Variants in ROGDI observed in about 807,000 individuals in gnomAD.
ROGDI encodes the protein protein rogdi homolog.
Under a neutral mutation model 43.1 loss-of-function variants are expected in ROGDI, and 46 were observed. The observed-to-expected ratio is 1.07, with a 90% CI of 0.84 to 1.37. The LOEUF (loss-of-function observed/expected upper bound fraction) is 1.37, where lower values mean the gene tolerates loss of function less well. Ranked by LOEUF, ROGDI falls within the 40% of genes most tolerant of loss-of-function variation. The pLI is 0.00. For missense variants in ROGDI, 518 were observed against 383.9 expected (o/e 1.35, Z -2.92); for synonymous variants, 243 against 162.0 (o/e 1.50, Z -3.80).
chr16:4,797,578 A>T, intron 10 of ROGDI, 77 bp from the exon 11 acceptor site: 1 of 636,050 alleles, frequency 1.6e-6, no homozygotes, highest in African/African-American at 5.0e-5. Context: ...TCACCCAAGG[A>T]CAATATGTCA....
chr16:4,800,555 C>A lies in ROGDI; in HGVS notation c.279G>T (p.Arg93=). The change falls in exon 5 of 11, where the codon CGG becomes CGT. Residue 93 remains arginine, a synonymous_variant. Transcript: ENST00000322048. The part of the protein sequence containing the change: ...SQADVNLKMP[R]NNQLLHFAFR... ...AGGCGAAGTGCAGCAGCTGGTTGTT[C>A]CGGGGCATCTTCAGGTTCACATCCT... The A allele has an allele frequency of 6.4e-7, 1 of 1,568,492 alleles. No individual in the cohort carries two copies. The highest frequency in any genetic ancestry group is 8.7e-7 in the Non-Finnish European group (1 of 1,156,000).
intron 6 of ROGDI, 143 bp from the exon 7 acceptor site, chr16:4,798,810 G>C (rs2082685509): frequency 4.6e-6 from 3 of 655,132 alleles, no homozygotes; most frequent in Admixed American, 3.0e-5. Context: ...ACCTGTTAAA[G>C]ACAGGTAGTT....
rs780123251 is a variant in ROGDI, at chr16:4,797,521, T to G, written c.823-20A>C. ...GGAGATCTGCAAGGGGAGAGGGTGC[T>G]GTAGGTTGCTGAAGGGGGATGGGGT... is the stretch of plus-strand genomic sequence containing the variant. On this transcript the variant is annotated intron_variant, in intron 10 of 10. Transcript: ENST00000322048. 2 of 1,400,830 alleles carry G rather than the reference T, an allele frequency of 1.4e-6. No individual in the cohort carries two copies. The highest frequency in any genetic ancestry group is 2.7e-5 in the South Asian group (2 of 74,730). 86.8% of individuals were successfully genotyped at this position (1,400,830 alleles called of 1,614,324 possible). A position where few individuals can be genotyped will look rare whatever the true frequency, so the allele number is the denominator to read the frequency against.
At chr16:4,799,993 G>T (rs1048343314) in intron 5 of ROGDI, among the ~76,000 whole-genome samples, 4 of 152,176 alleles carry the variant, frequency 2.6e-5, no homozygotes, top group African/African-American at 9.7e-5. Context: ...CCTTTCTAAG[G>T]GATGGACACA....
At chr16:4,801,221 T>A (rs375292590) in intron 4 of ROGDI, 46 bp downstream of exon 4, 2 of 1,517,904 alleles carry the variant, frequency 1.3e-6, no homozygotes. Flanking sequence ...GCTCCCATGC[T>A]CTTCCCCATT....
At chr16:4,800,785 C>A in intron 4 of ROGDI, 2 of 578,894 alleles carry the variant, frequency 3.5e-6, no homozygotes, top group Non-Finnish European at 6.1e-6. Flanking sequence ...AGAAGAGCCA[C>A]AAAGAAGTGA....
chr16:4,800,034 G>C (rs2082697309), intron 5 of ROGDI, among the ~76,000 whole-genome samples: 1 of 152,168 alleles, frequency 6.6e-6, no homozygotes, highest in African/African-American at 2.4e-5. Flanking sequence ...GTCTGTGCGA[G>C]TTGCGGAGGG....
intron 4 of ROGDI, 57 bp from the exon 5 acceptor site, chr16:4,800,635 A>AG (rs2082703895): frequency 7.2e-7 from 1 of 1,383,512 alleles, no homozygotes; most frequent in Non-Finnish European, 1.0e-6. Flanking sequence ...TGCCACAGCC[A>AG]CTCTGAGCCC....
chr16:4,798,021 GC>G, intron 8 of ROGDI, 34 bp from the exon 9 acceptor site: 1 of 1,613,574 alleles, frequency 6.2e-7, no homozygotes, highest in Non-Finnish European at 8.5e-7. Flanking sequence ...GTCAGGCCTT[GC>G]AGGGCGTGTG....
intron 7 of ROGDI, 159 bp downstream of exon 7, chr16:4,798,410 G>A: frequency 1.4e-6 from 1 of 706,160 alleles, no homozygotes; most frequent in Non-Finnish European, 2.3e-6. Context: ...TATTTTAGGG[G>A]CACAGGACGG....
Position 4,797,426 on chromosome 16 carries a change from C to T in ROGDI, c.*34G>A, listed in dbSNP as rs202112305. ...GGTGGGTATGAGTAGGGGACGGGGC[C>T]GCCTTCCTGGAGACAAGCTCCTGGG... On this transcript the variant is annotated 3_prime_UTR_variant, in exon 11 of 11. Coordinates refer to ENST00000322048, the MANE Select transcript of ROGDI (RefSeq NM_024589.3). The T allele has an allele frequency of 1.2e-5, 20 of 1,602,654 alleles. No homozygotes were observed. In the East Asian group the frequency reaches 2.0e-4, roughly 16 times the overall value.
Position 4,802,596 on chromosome 16 carries a change from CT to C in ROGDI, c.-26del. 1 of 1,304,096 alleles carries C rather than the reference CT, an allele frequency of 7.7e-7. No homozygotes were observed. The highest frequency in any genetic ancestry group is 9.8e-7 in the Non-Finnish European group (1 of 1,023,178). The allele number at this position is 1,304,096 out of a possible 1,614,324, so 80.8% of individuals were successfully genotyped here. On this transcript the variant is annotated 5_prime_UTR_variant, in exon 1 of 11. Transcript: ENST00000322048. Reference sequence around the variant, plus strand: ...TGGCCGCAGGCCGCCGCCGAGCGCCCTCCCCACCGGCCGCTGCTCCTGTCCA... The same window carrying C: ...TGGCCGCAGGCCGCCGCCGAGCGCCCCCCCACCGGCCGCTGCTCCTGTCCA...
intron 2 of ROGDI, 196 bp downstream of exon 2, chr16:4,802,186 C>A: frequency 1.5e-6 from 1 of 652,708 alleles, no homozygotes; most frequent in Non-Finnish European, 2.8e-6. Context: ...GCACCCTCGT[C>A]GGGACCCGCC....
At position 4,798,146 on chromosome 16, in the gene ROGDI, G is replaced by C. The variant is rs769206337; in HGVS notation, c.570C>G (p.Val190=). 1.2e-6 allele frequency: 2 copies of C among 1,614,026 alleles called. No individual in the cohort carries two copies. The highest frequency in any genetic ancestry group is 2.2e-5 in the East Asian group (1 of 44,880). The change falls in exon 8 of 11, where the codon GTC becomes GTG. Residue 190 remains valine, a synonymous_variant. Transcript: ENST00000322048. ...GCTTGTTGAGGTTGATGTAGACGTT[G>C]ACCAGCAGGTCGGACGGCAGGGCAG... ...FAPALPSDLL[V]NVYINLNKLC... is the part of the protein sequence containing the mutation.
Position 4,798,684 on chromosome 16 carries a change from G to A in ROGDI, c.433-17C>T. Reference sequence around the variant, plus strand: ...GTCCATCAGCTGCAGGGAGAGGCGGGGTTGGCTCTGCGTCCTCCCGTGTCC... The same window carrying A: ...GTCCATCAGCTGCAGGGAGAGGCGGAGTTGGCTCTGCGTCCTCCCGTGTCC... On this transcript the variant is annotated splice_polypyrimidine_tract_variant and intron_variant, in intron 6 of 10. Coordinates refer to ENST00000322048, the MANE Select transcript of ROGDI (RefSeq NM_024589.3). 1 of 1,542,886 alleles carries A rather than the reference G, an allele frequency of 6.5e-7. No individual in the cohort carries two copies. The highest frequency in any genetic ancestry group is 1.2e-5 in the South Asian group (1 of 84,448).
chr16:4,801,681 G>T, intron 2 of ROGDI, 96 bp from the exon 3 acceptor site: 2 of 1,212,482 alleles, frequency 1.6e-6, no homozygotes, highest in Non-Finnish European at 2.3e-6. Context: ...GTCAGCGGGG[G>T]GAAGGAACAA....
In ROGDI at chr16:4,801,280, G is replaced by A. The variant is rs1157424338; in HGVS notation, c.242C>T (p.Ala81Val). The A allele has an allele frequency of 1.2e-6, 2 of 1,607,716 alleles. No individual in the cohort carries two copies. The highest frequency in any genetic ancestry group is 2.2e-5 in the South Asian group (2 of 90,546). ...VKGVLTLQGD[A>V]LSQADVNLKM... ...CGGGGGACTCACCGCCTGGCTGAGGGCATCCCCCTGCAGAGTCAGCACACC... is the reference window on the plus strand; with the variant it reads ...CGGGGGACTCACCGCCTGGCTGAGGACATCCCCCTGCAGAGTCAGCACACC... The change falls in exon 4 of 11, where the codon GCC becomes GTC. Residue 81 changes from alanine to valine, a missense_variant. Ala to Val is a moderately conservative substitution (Grantham distance 64). Coordinates refer to ENST00000322048, the MANE Select transcript of ROGDI (RefSeq NM_024589.3).
At chr16:4,801,658 C>G in intron 2 of ROGDI, 73 bp from the exon 3 acceptor site, 3 of 1,377,386 alleles carry the variant, frequency 2.2e-6, no homozygotes, top group Non-Finnish European at 3.0e-6. Flanking sequence ...TCCAGAAGCC[C>G]CCCTCCCTCC....
rs564614062 is a variant in ROGDI at position 4,798,372 on chromosome 16, G to C, written c.532-188C>G. Reference sequence around the variant, plus strand: ...GTATCTCCTGTGCTGTCAGGTTTGGGAACCACTAACCCGAAACAGGGTTAA... The same window carrying C: ...GTATCTCCTGTGCTGTCAGGTTTGGCAACCACTAACCCGAAACAGGGTTAA... On this transcript the variant is annotated intron_variant, in intron 7 of 10. Transcript: ENST00000322048. 6 of 705,820 alleles carry C rather than the reference G, an allele frequency of 8.5e-6. No individual in the cohort carries two copies. In the East Asian group the frequency reaches 1.4e-4, roughly 16 times the overall value. The allele number at this position is 705,820 out of a possible 1,614,324, so 43.7% of individuals were successfully genotyped here.
Sources: gnomAD v4.1 joint callset for allele counts (sites outside exome capture counted in the v4.1 genomes callset) on GRCh38, gnomAD v4.1.1 for gene constraint, MANE v1.5 for transcripts, NCBI Gene and HGNC (gene_info 2026-07-23, HGNC 2026-07-21) for gene names.